The following SEMA3D variants were observed in gnomAD, a reference collection of about 807,000 sequenced individuals.
SEMA3D encodes semaphorin 3D.
In SEMA3D, 84 loss-of-function variants were observed where a neutral mutation model predicts 100.1. The observed-to-expected ratio is 0.84, with a 90% CI of 0.70 to 1.01. The LOEUF is 1.01. Ranked by LOEUF, SEMA3D falls within the 50% of genes least tolerant of loss-of-function variation. SEMA3D has a pLI of 0.00. For synonymous variants in SEMA3D, 312 were observed against 320.7 expected (o/e 0.97, Z 0.29); for missense variants, 875 against 934.1 (o/e 0.94, Z 0.82).
chr7:85,184,851 C>G (rs977472356), intron 1 of SEMA3D, among the ~76,000 whole-genome samples: 2 of 152,282 alleles, frequency 1.3e-5, no homozygotes, highest in Admixed American at 6.5e-5. Flanking sequence ...ACCCCTGACC[C>G]GTCTTATCCG....
At chr7:85,120,417 T>C (rs964638807) in intron 3 of SEMA3D, among the ~76,000 whole-genome samples, 3 of 152,062 alleles carry the variant, frequency 2.0e-5, no homozygotes, top group Non-Finnish European at 2.9e-5. Flanking sequence ...CCTATAATCC[T>C]AGCACTTTGG....
intron 9 of SEMA3D, among the ~76,000 whole-genome samples, chr7:85,046,139 A>G (rs1333771195): frequency 6.6e-6 from 1 of 152,000 alleles, no homozygotes; most frequent in Non-Finnish European, 1.5e-5. Flanking sequence ...TACATATATA[A>G]TCAGAATATC....
At chr7:85,013,395 C>A (rs1256628447) in intron 16 of SEMA3D, among the ~76,000 whole-genome samples, 2 of 151,678 alleles carry the variant, frequency 1.3e-5, no homozygotes, top group East Asian at 3.9e-4. Context: ...TTATTTCTAT[C>A]TGCTGATGAG....
chr7:85,129,424 T>G (rs939881538), intron 2 of SEMA3D, among the ~76,000 whole-genome samples: 2 of 152,152 alleles, frequency 1.3e-5, no homozygotes, highest in African/African-American at 4.8e-5. Flanking sequence ...CTGAAAAAAA[T>G]TAGTTATGTC....
At chr7:85,009,298 T>G (rs2115764419) in intron 17 of SEMA3D, among the ~76,000 whole-genome samples, 1 of 151,916 alleles carries the variant, frequency 6.6e-6, no homozygotes, top group South Asian at 2.1e-4. Context: ...TGAACTATTT[T>G]TCTGCATGTA....
chr7:85,104,698 C>G (rs576954451), intron 3 of SEMA3D, among the ~76,000 whole-genome samples: 1 of 151,798 alleles, frequency 6.6e-6, no homozygotes, highest in East Asian at 1.9e-4. Flanking sequence ...GATCCTATAA[C>G]CTTGAAATCT....
chr7:85,038,376 A>G (rs941485064), intron 11 of SEMA3D, among the ~76,000 whole-genome samples: 1 of 152,206 alleles, frequency 6.6e-6, no homozygotes, highest in Non-Finnish European at 1.5e-5. Flanking sequence ...CACAGAAATC[A>G]CAGAATCTGC....
chr7:85,149,165 C>G (rs189507931), intron 2 of SEMA3D, among the ~76,000 whole-genome samples: 1 of 151,992 alleles, frequency 6.6e-6, no homozygotes, highest in African/African-American at 2.4e-5. Flanking sequence ...TAACACTTGG[C>G]CAGGCGTGGT....
chr7:85,004,125 C>A (rs1313279288), intron 18 of SEMA3D, among the ~76,000 whole-genome samples: 1 of 150,990 alleles, frequency 6.6e-6, no homozygotes, highest in Admixed American at 6.6e-5. Flanking sequence ...GGGTAGGATG[C>A]GTGGGAGACA....
At chr7:85,150,319 T>C (rs769298308) in intron 2 of SEMA3D, among the ~76,000 whole-genome samples, 8 of 145,678 alleles carry the variant, frequency 5.5e-5, no homozygotes, top group Non-Finnish European at 1.2e-4. Context: ...CTTGGAAAGA[T>C]ATTTCTGTTC....
chr7:85,087,714 T>G (rs1788267578), intron 4 of SEMA3D, among the ~76,000 whole-genome samples: 1 of 152,220 alleles, frequency 6.6e-6, no homozygotes, highest in Non-Finnish European at 1.5e-5. Flanking sequence ...AGTCCTCATA[T>G]TCTATAATTT....
chr7:85,053,823 A>G (rs1236200719), intron 9 of SEMA3D, among the ~76,000 whole-genome samples: 1 of 152,000 alleles, frequency 6.6e-6, no homozygotes, highest in Non-Finnish European at 1.5e-5. Context: ...TAAAAAATAA[A>G]TTCATCCATC....
chr7:85,183,989 T>C (rs1366451063), intron 1 of SEMA3D, among the ~76,000 whole-genome samples: 5 of 152,188 alleles, frequency 3.3e-5, no homozygotes, highest in Non-Finnish European at 7.3e-5. Context: ...TTTTCTTTTT[T>C]TTTTCCTTTA....
the SEMA3D span, among the ~76,000 whole-genome samples, chr7:85,224,207 G>T: frequency 6.6e-6 from 1 of 152,088 alleles, no homozygotes; most frequent in Non-Finnish European, 1.5e-5. Context: ...TAAAATTGCC[G>T]AATATTAGAG....
chr7:85,106,938 C>G (rs372740677), intron 3 of SEMA3D, among the ~76,000 whole-genome samples: 3 of 152,014 alleles, frequency 2.0e-5, no homozygotes, highest in Non-Finnish European at 4.4e-5. Context: ...TCACAGGACA[C>G]GTGGGGATTA....
chr7:85,041,016 A>G, intron 10 of SEMA3D: 1 of 216,668 alleles, frequency 4.6e-6, no homozygotes, highest in Non-Finnish European at 9.0e-6. Context: ...CCTCTAGTGT[A>G]AAAAAATTCT....
intron 12 of SEMA3D, among the ~76,000 whole-genome samples, chr7:85,025,864 T>C (rs1462996990): frequency 6.6e-6 from 1 of 152,038 alleles, no homozygotes; most frequent in Admixed American, 6.6e-5. Context: ...AGGTAATTTC[T>C]CTCCTTCCCT....
At chr7:85,171,414 G>A (rs1267531541) in intron 1 of SEMA3D, among the ~76,000 whole-genome samples, 1 of 151,900 alleles carries the variant, frequency 6.6e-6, no homozygotes, top group East Asian at 1.9e-4. Context: ...AGCTAGAAAG[G>A]GAACAGTCAG....
Position 85,071,480 on chromosome 7 carries a change from C to T in SEMA3D, c.495+1482G>A, listed in dbSNP as rs533292503. ...CCAGACTTTACTTTCAAAAACACAG[C>T]GAATTATCCTGCAAATATGTGTGGT... On this transcript the variant is annotated intron_variant, in intron 6 of 18. Transcript: ENST00000284136. Among the ~76,000 whole-genome samples the T allele has an allele frequency of 9.2e-5, 14 of 152,214 alleles. 1 individual carries two copies. In the South Asian group the frequency reaches 1.9e-3, roughly 20 times the overall value.
Sources: gnomAD v4.1 joint callset for allele counts (sites outside exome capture counted in the v4.1 genomes callset) on GRCh38, gnomAD v4.1.1 for gene constraint, MANE v1.5 for transcripts, NCBI Gene and HGNC (gene_info 2026-07-23, HGNC 2026-07-21) for gene names.